Variants in PHF3 observed in about 807,000 individuals in gnomAD.
PHF3 encodes the protein PHD finger protein 3.
PHF3 carries 41 observed loss-of-function variants against 178.4 expected under a neutral mutation model. The ratio of observed to expected loss-of-function variants is 0.23; its 90% CI spans 0.18 to 0.30. The LOEUF (loss-of-function observed/expected upper bound fraction) is 0.30, where lower values mean the gene tolerates loss of function less well. PHF3 is among the 10% of genes least tolerant of loss of function. The probability of loss-of-function intolerance (pLI) is 1.00; values close to 1 mark genes in which losing one functional copy is unlikely to be tolerated. For synonymous variants in PHF3, 842 were observed against 800.5 expected (o/e 1.05, Z -0.88); for missense variants, 2,346 against 2,398.1 (o/e 0.98, Z 0.45).
intron 2 of PHF3, among the ~76,000 whole-genome samples, chr6:63,672,513 T>TG (rs1024653147): frequency 4.5e-4 from 69 of 152,364 alleles, no homozygotes; most frequent in African/African-American, 1.5e-3. Flanking sequence ...AAAAAACACT[T>TG]TAATACATTT....
Position 63,716,675 on chromosome 6 carries a change from C to CT in PHF3, c.*2976dup, listed in dbSNP as rs201542454. 0.012 allele frequency among the ~76,000 whole-genome samples: 1,798 copies of CT among 150,656 alleles called. 30 individuals are homozygous for CT. Among genetic ancestry groups the CT allele is most frequent in the African/African-American group, 0.042 (1,722 of 41,080 alleles). On this transcript the variant is annotated 3_prime_UTR_variant, in exon 16 of 16. Coordinates refer to ENST00000262043, the MANE Select transcript of PHF3 (RefSeq NM_001370348.2). ...TTTCTGGAGACTTTCAGGGAGATTCCTTTTTTTTTGCGCCTTGGTTTCTAG... is the reference window on the plus strand; with the variant it reads ...TTTCTGGAGACTTTCAGGGAGATTCCTTTTTTTTTTGCGCCTTGGTTTCTAG...
At chr6:63,694,483 C>T in intron 5 of PHF3, 98 bp from the exon 6 acceptor site, 1 of 827,822 alleles carries the variant, frequency 1.2e-6, no homozygotes, top group South Asian at 2.8e-5. Context: ...AAGAGTGAAT[C>T]TCATTTTACT....
At position 63,703,542 on chromosome 6, in the gene PHF3, G is replaced by C. The variant is rs758563591; in HGVS notation, c.3238G>C (p.Ala1080Pro). The part of the protein sequence containing the change: ...QEAAMEIQEP[A>P]ANKSLEKPEG... Reference sequence around the variant, plus strand: ...TTACTTTGACTTACGTTAGGAACCAGCCGCCAATAAGTCATTGGAGAAGCC... The same window carrying C: ...TTACTTTGACTTACGTTAGGAACCACCCGCCAATAAGTCATTGGAGAAGCC... The change falls in exon 11 of 16, where the codon GCC becomes CCC. Residue 1080 changes from alanine to proline, a missense_variant. Physicochemically the swap from Ala to Pro is conservative, Grantham distance 27. This residue lies in a region of PHF3 where 205 missense variants were observed against 212.4 expected (regional missense o/e 0.97). Coordinates refer to ENST00000262043, the MANE Select transcript of PHF3 (RefSeq NM_001370348.2). 6.2e-7 allele frequency: 1 copy of C among 1,605,016 alleles called. No homozygotes were observed. Among genetic ancestry groups the C allele is most frequent in the Non-Finnish European group, 8.5e-7 (1 of 1,177,754 alleles).
At chr6:63,693,101 A>T (rs1396465904) in intron 5 of PHF3, among the ~76,000 whole-genome samples, 1 of 152,162 alleles carries the variant, frequency 6.6e-6, no homozygotes, top group Admixed American at 6.5e-5. Flanking sequence ...GATACGTGTT[A>T]TTACTTTGTT....
chr6:63,665,736 A>G (rs969757282), intron 2 of PHF3, among the ~76,000 whole-genome samples: 4 of 151,936 alleles, frequency 2.6e-5, no homozygotes, highest in Non-Finnish European at 4.4e-5. Flanking sequence ...TGATCCACCC[A>G]TCTCAGCCTC....
intron 3 of PHF3, among the ~76,000 whole-genome samples, chr6:63,680,816 G>A (rs537434806): frequency 1.3e-4 from 20 of 152,016 alleles, no homozygotes; most frequent in Non-Finnish European, 2.6e-4. Flanking sequence ...GGAGCCTTCT[G>A]ATCCCCTCTT....
At chr6:63,669,139 T>G (rs906404458) in intron 2 of PHF3, among the ~76,000 whole-genome samples, 1 of 152,238 alleles carries the variant, frequency 6.6e-6, no homozygotes, top group Non-Finnish European at 1.5e-5. Context: ...AGATCAGTCT[T>G]GGCTTTAATA....
In PHF3 at chr6:63,720,858, G is replaced by A; in HGVS notation, c.*7150G>A. 1 of 1,551,012 alleles carries A rather than the reference G, an allele frequency of 6.4e-7. No individual in the cohort carries two copies. Among genetic ancestry groups the A allele is most frequent in the Admixed American group, 2.0e-5 (1 of 50,952 alleles). On this transcript the variant is annotated 3_prime_UTR_variant, in exon 16 of 16. Transcript: ENST00000262043. ...AAGAATTAGACTGTTATTTATGTAG[G>A]CCTTGATAAGAGTCTGATTTTGAAT...
intron 13 of PHF3, among the ~76,000 whole-genome samples, chr6:63,707,925 G>A (rs1312172087): frequency 6.6e-6 from 1 of 151,640 alleles, no homozygotes; most frequent in African/African-American, 2.4e-5. Context: ...GGAGTGCAGT[G>A]GCGTGATCTT....
At chr6:63,706,651 A>T in intron 12 of PHF3, 78 bp from the exon 13 acceptor site, 11 of 1,401,296 alleles carry the variant, frequency 7.8e-6, no homozygotes, top group Non-Finnish European at 1.1e-5. Flanking sequence ...ACATGCTAAA[A>T]TACGAGTAAC....
intron 4 of PHF3, among the ~76,000 whole-genome samples, chr6:63,689,383 AAAAC>A (rs1160287973): frequency 2.0e-5 from 3 of 152,300 alleles, no homozygotes; most frequent in Middle Eastern, 3.4e-3. Flanking sequence ...TAATATTTAA[AAAAC>A]AAACAGACTT....
At chr6:63,704,490 G>T (rs1767609362) in intron 11 of PHF3, among the ~76,000 whole-genome samples, 1 of 149,928 alleles carries the variant, frequency 6.7e-6, no homozygotes, top group Non-Finnish European at 1.5e-5. Flanking sequence ...TGTGTAATTG[G>T]AATCATCTAG....
intron 4 of PHF3, 30 bp from the exon 5 acceptor site, chr6:63,691,707 A>G (rs754165556): frequency 2.0e-6 from 3 of 1,519,574 alleles, no homozygotes; most frequent in Non-Finnish European, 1.8e-6. Context: ...AAAAAAAGGG[A>G]TAAAAGTTTT....
At chr6:63,653,099 A>G (rs1454462949) in intron 2 of PHF3, among the ~76,000 whole-genome samples, 1 of 102,526 alleles carries the variant, frequency 9.8e-6, no homozygotes, top group African/African-American at 3.8e-5. Flanking sequence ...TCTGTAAATA[A>G]TGTTACTGGT....
At chr6:63,637,087 T>C (rs1487797815) in intron 1 of PHF3, among the ~76,000 whole-genome samples, 1 of 152,220 alleles carries the variant, frequency 6.6e-6, no homozygotes, top group Non-Finnish European at 1.5e-5. Context: ...GTGGCAACAC[T>C]GCTTTAATAT....
At position 63,635,971 on chromosome 6, in the gene PHF3, TGTC is replaced by T. The variant is rs1764311116; in HGVS notation, c.-201_-199del. ...AGGGCGGCGCGGAAGCCAAGAATAG[TGTC>T]GTCAGCAGCAGCCATTTGGTCCCAG... On this transcript the variant is annotated 5_prime_UTR_variant, in exon 1 of 16. Coordinates refer to ENST00000262043, the MANE Select transcript of PHF3 (RefSeq NM_001370348.2). 6 of 397,900 alleles carry T rather than the reference TGTC, an allele frequency of 1.5e-5. No homozygotes were observed. The South Asian group carries it at 7.6e-4, about 51-fold the overall frequency. The allele number at this position is 397,900 out of a possible 1,614,324, so 24.6% of individuals were successfully genotyped here.
In PHF3 at chr6:63,712,662, A is replaced by G; in HGVS notation, c.5074A>G (p.Thr1692Ala). The change falls in exon 16 of 16, where the codon ACA becomes GCA. Residue 1692 changes from threonine (T) to alanine (A), a missense_variant. By Grantham distance (58) the Thr-to-Ala change is moderately conservative. Around this residue, in one of 8 missense-constraint regions of PHF3, gnomAD observed 839 missense variants for 806.9 expected, o/e 1.04. Transcript: ENST00000262043. ...CCTGTCACACAACAAGGAGCACTTA[A>G]CAGAACAAATCAATGTAGAGGAAAA... ...PGLSHNKEHL[T>A]EQINVEEKLC... The G allele has an allele frequency of 6.2e-7, 1 of 1,613,978 alleles. No homozygotes were observed. The highest frequency in any genetic ancestry group is 8.5e-7 in the Non-Finnish European group (1 of 1,179,950).
chr6:63,682,384 T>G (rs571350125), intron 3 of PHF3, among the ~76,000 whole-genome samples: 1 of 152,256 alleles, frequency 6.6e-6, no homozygotes, highest in South Asian at 2.1e-4. Flanking sequence ...TATTAATTAC[T>G]TTTGGGTCTC....
At chr6:63,641,528 ATGTGTGTGTGTGTGTG>A (rs201250434) in intron 1 of PHF3, among the ~76,000 whole-genome samples, 14 of 140,676 alleles carry the variant, frequency 1.0e-4, no homozygotes, top group South Asian at 2.3e-4. Flanking sequence ...TTAGGTGTGT[ATGTGTGTGTGTGTGTG>A]TGTGTGTGTG....
Sources: allele counts gnomAD v4.1 joint callset (sites outside exome capture counted in the v4.1 genomes callset), GRCh38; gene constraint gnomAD v4.1.1; regional missense constraint gnomAD v4.1.1; transcripts MANE v1.5; gene names NCBI Gene and HGNC (gene_info 2026-07-23, HGNC 2026-07-21).